The following AFF3 variants were observed in gnomAD, a reference collection of about 807,000 sequenced individuals.
AFF3 encodes ALF transcription elongation factor 3.
Under a neutral mutation model 129.7 loss-of-function variants are expected in AFF3, and 32 were observed. The observed-to-expected ratio is 0.25, with a 90% confidence interval of 0.19 to 0.33. The LOEUF (loss-of-function observed/expected upper bound fraction) is 0.33. Ranked by LOEUF, AFF3 falls within the 10% of genes least tolerant of loss-of-function variation. The probability of loss-of-function intolerance (pLI) is 1.00; values close to 1 mark genes in which losing one functional copy is unlikely to be tolerated. For missense variants in AFF3, 1,373 were observed against 1,592.0 expected, an observed-to-expected ratio of 0.86 and a Z score of 2.34; for synonymous variants, 644 against 635.4, an observed-to-expected ratio of 1.01 and a Z score of -0.20.
intron 4 of AFF3, among the ~76,000 whole-genome samples, chr2:100,061,739 G>A (rs763449196): frequency 2.6e-5 from 4 of 151,706 alleles, no homozygotes; most frequent in Admixed American, 1.3e-4. Context: ...TTTATACCCC[G>A]ACCTACTCTG....
At chr2:100,016,355 T>C (rs571532300) in intron 4 of AFF3, among the ~76,000 whole-genome samples, 180 of 151,114 alleles carry the variant, frequency 1.2e-3, no homozygotes, top group Non-Finnish European at 2.0e-3. Flanking sequence ...GTGATGGTGA[T>C]GGTGGTAGTG....
At chr2:100,091,013 G>C (rs2576686) in intron 4 of AFF3, among the ~76,000 whole-genome samples, 2 of 152,040 alleles carry the variant, frequency 1.3e-5, no homozygotes, top group African/African-American at 4.8e-5. Flanking sequence ...TTTTAAGGTC[G>C]CATGGGACCT....
intron 4 of AFF3, among the ~76,000 whole-genome samples, chr2:100,014,655 G>A (rs987566879): frequency 5.9e-5 from 9 of 152,080 alleles, no homozygotes; most frequent in Non-Finnish European, 1.0e-4. Context: ...GAAAACGGCA[G>A]GTTAAGGAGA....
At chr2:100,106,531 G>A in intron 2 of AFF3, 1 of 998,794 alleles carries the variant, frequency 1.0e-6, no homozygotes, top group Non-Finnish European at 1.2e-6. Flanking sequence ...TCGAGACATT[G>A]AGACAGCATT....
At chr2:99,768,660 C>T (rs1683213701) in intron 8 of AFF3, among the ~76,000 whole-genome samples, 1 of 152,212 alleles carries the variant, frequency 6.6e-6, no homozygotes, top group South Asian at 2.1e-4. Flanking sequence ...CTCCCTTCAG[C>T]ATTTCTTATA....
At position 99,560,447 on chromosome 2, in the gene AFF3, G is replaced by A; in HGVS notation, c.3120-11C>T. On this transcript the variant is annotated splice_polypyrimidine_tract_variant and intron_variant, in intron 20 of 24. Coordinates refer to ENST00000672756, the MANE Select transcript of AFF3 (RefSeq NM_001386135.1). The stretch of plus-strand genomic sequence containing the variant: ...AGTCTCATAGCATACCTTAGAAAAA[G>A]CGGGGAGGAGGAATAGAATAAAAAA... 6.2e-7 allele frequency: 1 copy of A among 1,611,044 alleles called. No individual in the cohort carries two copies. The highest frequency in any genetic ancestry group is 8.5e-7 in the Non-Finnish European group (1 of 1,178,656).
intron 7 of AFF3, among the ~76,000 whole-genome samples, chr2:99,944,036 A>T (rs1675324147): frequency 6.6e-6 from 1 of 151,918 alleles, no homozygotes; most frequent in Non-Finnish European, 1.5e-5. Context: ...AGTAGCTGGG[A>T]CTATAGGCAT....
chr2:99,744,350 AT>A (rs1380972225), intron 9 of AFF3, among the ~76,000 whole-genome samples: 1 of 152,180 alleles, frequency 6.6e-6, no homozygotes, highest in Non-Finnish European at 1.5e-5. Context: ...TTTCTTTTGT[AT>A]TAATGACTTT....
At chr2:99,675,816 C>T (rs775635178) in intron 11 of AFF3, among the ~76,000 whole-genome samples, 47 of 152,288 alleles carry the variant, frequency 3.1e-4, no homozygotes, top group South Asian at 1.2e-3. Context: ...ATGGGCCCAA[C>T]CCACTCCCAA....
intron 7 of AFF3, among the ~76,000 whole-genome samples, chr2:99,961,682 C>T (rs1024093488): frequency 6.6e-6 from 1 of 152,162 alleles, no homozygotes; most frequent in African/African-American, 2.4e-5. Flanking sequence ...CCACAAGGGG[C>T]AGCCAAAGGT....
chr2:100,137,193 G>A lies in AFF3; in HGVS notation c.-228+5291C>T, dbSNP rs535301385. ...TGTCCTAATCTCTGCTAGTAAAATC[G>A]TTCCTAGTTTGGAGGATGGGATTTA... On this transcript the variant is annotated intron_variant, in intron 1 of 24. Coordinates refer to ENST00000672756, the MANE Select transcript of AFF3 (RefSeq NM_001386135.1). Among the ~76,000 whole-genome samples, 15 of 152,222 alleles carry A rather than the reference G, an allele frequency of 9.9e-5. No individual in the cohort carries two copies. The East Asian group carries it at 1.7e-3, about 18-fold the overall frequency.
At chr2:99,574,029 C>T (rs1257277885) in intron 18 of AFF3, among the ~76,000 whole-genome samples, 4 of 152,198 alleles carry the variant, frequency 2.6e-5, no homozygotes, top group South Asian at 4.1e-4. Context: ...CACAGTTGTT[C>T]TCTCTCAATT....
chr2:99,933,443 A>G (rs1576376371), intron 7 of AFF3, among the ~76,000 whole-genome samples: 1 of 152,134 alleles, frequency 6.6e-6, no homozygotes, highest in East Asian at 1.9e-4. Flanking sequence ...CCAGGTTTTA[A>G]GCCCTGCATG....
intron 11 of AFF3, among the ~76,000 whole-genome samples, chr2:99,686,495 T>C (rs938941161): frequency 6.6e-6 from 1 of 152,206 alleles, no homozygotes; most frequent in African/African-American, 2.4e-5. Flanking sequence ...AAAGTGTTTC[T>C]CTTCTCAGTC....
intron 8 of AFF3, among the ~76,000 whole-genome samples, chr2:99,776,150 G>C (rs796883825): frequency 6.6e-6 from 1 of 152,034 alleles, no homozygotes; most frequent in South Asian, 2.1e-4. Flanking sequence ...ATGGCATCGG[G>C]GGAAAAAAGG....
intron 8 of AFF3, among the ~76,000 whole-genome samples, chr2:99,755,805 G>A (rs1341971542): frequency 2.0e-5 from 3 of 152,090 alleles, no homozygotes; most frequent in Non-Finnish European, 4.4e-5. Flanking sequence ...TTTCTCATCC[G>A]GTAAAAATCG....
intron 8 of AFF3, among the ~76,000 whole-genome samples, chr2:99,754,729 T>G (rs1347485708): frequency 1.3e-5 from 2 of 152,148 alleles, no homozygotes; most frequent in South Asian, 4.1e-4. Flanking sequence ...CAGACAAACT[T>G]TGAGATACCA....
intron 7 of AFF3, among the ~76,000 whole-genome samples, chr2:99,959,742 C>G (rs1476654479): frequency 8.8e-5 from 13 of 147,954 alleles, no homozygotes; most frequent in Non-Finnish European, 1.3e-4. Flanking sequence ...GGCATTTTTC[C>G]TCCAAAAATC....
intron 8 of AFF3, among the ~76,000 whole-genome samples, chr2:99,762,219 T>TGG (rs1682675473): frequency 6.6e-6 from 1 of 151,084 alleles, no homozygotes; most frequent in South Asian, 2.1e-4. Flanking sequence ...CTGCCTCCCC[T>TGG]GTTCAAGCGA....
Sources: allele counts gnomAD v4.1 joint callset (sites outside exome capture counted in the v4.1 genomes callset), GRCh38; gene constraint gnomAD v4.1.1; transcripts MANE v1.5; gene names NCBI Gene and HGNC (gene_info 2026-07-23, HGNC 2026-07-21).